Variants in COG5 observed in about 807,000 individuals in gnomAD.
COG5 encodes conserved oligomeric Golgi complex subunit 5.
COG5 carries 86 observed loss-of-function variants against 110.4 expected under a neutral mutation model. That is an observed-to-expected ratio of 0.78 (90% CI 0.65 to 0.93). COG5 has a LOEUF of 0.93. COG5 is among the 40% of genes least tolerant of loss of function. COG5 has a pLI of 0.00. For synonymous variants in COG5, 360 were observed against 334.6 expected (o/e 1.08, Z -0.83); for missense variants, 1,077 against 987.0 (o/e 1.09, Z -1.22).
chr7:107,230,628 G>A lies in COG5; in HGVS notation c.2155C>T (p.Leu719=). Residue 719 remains leucine, a synonymous_variant, in exon 19 of 22, where the codon CTG becomes TTG. Coordinates refer to ENST00000297135, the MANE Select transcript of COG5 (RefSeq NM_006348.5). The stretch of plus-strand genomic sequence containing the variant: ...ATTCGGTCTTACCTGAATGATCTCA[G>A]CATCCGATAGGACTTTCCTAAATCA... ...VSDLGKSYRM[L]RSFRPLLFQA... is the part of the protein sequence containing the mutation. 1 of 1,611,678 alleles carries A rather than the reference G, an allele frequency of 6.2e-7. No individual in the cohort carries two copies. Among genetic ancestry groups the A allele is most frequent in the Non-Finnish European group, 8.5e-7 (1 of 1,177,858 alleles).
intron 11 of COG5, among the ~76,000 whole-genome samples, chr7:107,310,539 C>T (rs1268263291): frequency 2.0e-5 from 3 of 152,120 alleles, no homozygotes; most frequent in East Asian, 1.9e-4. Context: ...GCAGATGCTA[C>T]GGACACCCTT....
At chr7:107,542,849 T>C (rs943437966) in intron 5 of COG5, among the ~76,000 whole-genome samples, 9 of 152,002 alleles carry the variant, frequency 5.9e-5, no homozygotes, top group African/African-American at 1.9e-4. Flanking sequence ...GGCAGGTGCC[T>C]GTAATCCCAG....
intron 11 of COG5, among the ~76,000 whole-genome samples, chr7:107,313,944 C>A (rs1808499692): frequency 6.6e-6 from 1 of 152,108 alleles, no homozygotes; most frequent in Non-Finnish European, 1.5e-5. Context: ...CAAAATTGCA[C>A]AGAATTGTCA....
intron 6 of COG5, among the ~76,000 whole-genome samples, chr7:107,466,213 A>G (rs1219822723): frequency 6.6e-6 from 1 of 152,166 alleles, no homozygotes; most frequent in Non-Finnish European, 1.5e-5. Context: ...GTAAACCAGA[A>G]AACTGGACAT....
chr7:107,336,394 G>A (rs1010180195), intron 10 of COG5, among the ~76,000 whole-genome samples: 2 of 151,896 alleles, frequency 1.3e-5, no homozygotes, highest in African/African-American at 4.9e-5. Context: ...GGAAAAAATC[G>A]AGGAGAGAGA....
At chr7:107,395,541 C>CTTTTTTTT (rs67581814) in intron 7 of COG5, among the ~76,000 whole-genome samples, 2 of 49,994 alleles carry the variant, frequency 4.0e-5, no homozygotes, top group Admixed American at 2.7e-4. Flanking sequence ...TGAAGCAGAT[C>CTTTTTTTT]TTTTTTTTTT....
intron 5 of COG5, among the ~76,000 whole-genome samples, chr7:107,540,983 T>G (rs752770776): frequency 1.3e-5 from 2 of 151,848 alleles, no homozygotes; most frequent in Non-Finnish European, 1.5e-5. Flanking sequence ...AAACCCCATC[T>G]CTACTCAAAA....
At chr7:107,277,339 T>C (rs900580282) in intron 14 of COG5, among the ~76,000 whole-genome samples, 1 of 152,166 alleles carries the variant, frequency 6.6e-6, no homozygotes, top group African/African-American at 2.4e-5. Context: ...TAGTTTCTGT[T>C]TCTGGTTAGG....
At chr7:107,210,730 G>A (rs1045529942) in intron 20 of COG5, 125 bp from the exon 21 acceptor site, 89 of 1,077,712 alleles carry the variant, frequency 8.3e-5, no homozygotes, top group Non-Finnish European at 1.2e-4. Flanking sequence ...CTGTCCAAGG[G>A]AAGTGTGAAG....
intron 10 of COG5, among the ~76,000 whole-genome samples, chr7:107,337,996 A>C (rs549145248): frequency 6.6e-6 from 1 of 152,180 alleles, no homozygotes; most frequent in African/African-American, 2.4e-5. Context: ...CTTCAGCATT[A>C]AAGCTGCATA....
intron 7 of COG5, among the ~76,000 whole-genome samples, chr7:107,388,261 A>G (rs1790352074): frequency 6.6e-6 from 1 of 152,208 alleles, no homozygotes; most frequent in Non-Finnish European, 1.5e-5. Flanking sequence ...GAAAACTTAG[A>G]TATGTACGTA....
chr7:107,511,619 T>C (rs1166643430), intron 6 of COG5, among the ~76,000 whole-genome samples: 1 of 152,200 alleles, frequency 6.6e-6, no homozygotes, highest in Non-Finnish European at 1.5e-5. Flanking sequence ...CCAATATCCT[T>C]GATGAACGCT....
intron 16 of COG5, 81 bp downstream of exon 16, chr7:107,256,651 A>G (rs935984222): frequency 3.5e-6 from 3 of 863,002 alleles, no homozygotes; most frequent in Middle Eastern, 2.7e-4. Flanking sequence ...AATTATTATA[A>G]AATGTGACAT....
intron 14 of COG5, among the ~76,000 whole-genome samples, chr7:107,265,163 C>T (rs1176125331): frequency 6.6e-6 from 1 of 152,092 alleles, no homozygotes; most frequent in Non-Finnish European, 1.5e-5. Context: ...TAAGATAATA[C>T]GACAAGATAA....
chr7:107,465,244 CAA>C (rs1796229607), intron 6 of COG5, among the ~76,000 whole-genome samples: 1 of 152,064 alleles, frequency 6.6e-6, no homozygotes, highest in African/African-American at 2.4e-5. Context: ...AAAAAACTCC[CAA>C]GACTAATATA....
At chr7:107,273,047 G>A (rs537222178) in intron 14 of COG5, among the ~76,000 whole-genome samples, 48 of 152,288 alleles carry the variant, frequency 3.2e-4, no homozygotes, top group Middle Eastern at 6.8e-3. Context: ...TGTTCGGGGA[G>A]GGGTAGTTAC....
chr7:107,434,079 G>A (rs917222230), intron 6 of COG5, among the ~76,000 whole-genome samples: 20 of 152,010 alleles, frequency 1.3e-4, no homozygotes, highest in African/African-American at 4.3e-4. Context: ...AGTAATCATT[G>A]GACAAATGCA....
chr7:107,442,542 G>A lies in COG5; in HGVS notation c.539-29910C>T, dbSNP rs543112623. 2.0e-5 allele frequency among the ~76,000 whole-genome samples: 3 copies of A among 148,838 alleles called. No homozygotes were observed. In the South Asian group the frequency reaches 6.3e-4, roughly 31 times the overall value. On this transcript the variant is annotated intron_variant, in intron 6 of 21. Transcript: ENST00000297135. ...ACTAAAGGTAAACATCAGCCCAACA[G>A]TATGTCAACCATGTTCCCTCCCTAC...
chr7:107,526,082 C>T (rs763742957), intron 6 of COG5, among the ~76,000 whole-genome samples: 19 of 152,200 alleles, frequency 1.2e-4, no homozygotes, highest in Non-Finnish European at 7.4e-5. Flanking sequence ...ACTATATAAT[C>T]AAAAAATCAA....
Sources: allele counts gnomAD v4.1 joint callset (sites outside exome capture counted in the v4.1 genomes callset), GRCh38; gene constraint gnomAD v4.1.1; transcripts MANE v1.5; gene names NCBI Gene and HGNC (gene_info 2026-07-23, HGNC 2026-07-21).